The following MED27 variants were observed in gnomAD, a reference collection of about 807,000 sequenced individuals.
MED27 encodes mediator of RNA polymerase II transcription subunit 27.
In MED27, 30 loss-of-function variants were observed where a neutral mutation model predicts 38.2. The observed-to-expected ratio is 0.79, with a 90% CI of 0.59 to 1.07. The LOEUF is 1.07. Among genes scored for constraint, MED27 ranks in the 50% least tolerant of loss-of-function variants. The probability of loss-of-function intolerance (pLI) is 0.00; values close to 1 mark genes in which losing one functional copy is unlikely to be tolerated. For synonymous variants in MED27, 122 were observed against 153.5 expected (o/e 0.79, Z 1.52); for missense variants, 289 against 397.5 (o/e 0.73, Z 2.32).
chr9:132,014,079 G>A (rs748864499), intron 3 of MED27, among the ~76,000 whole-genome samples: 24 of 151,264 alleles, frequency 1.6e-4, no homozygotes, highest in Non-Finnish European at 2.8e-4. Context: ...GGTGGTGTGC[G>A]CTTGTAATCC....
At chr9:132,009,560 G>A (rs763799756) in intron 3 of MED27, among the ~76,000 whole-genome samples, 28 of 152,184 alleles carry the variant, frequency 1.8e-4, no homozygotes, top group Non-Finnish European at 3.7e-4. Context: ...GAGAGGAACC[G>A]AGATCTCCTG....
At chr9:132,013,451 G>A (rs1832525902) in intron 3 of MED27, among the ~76,000 whole-genome samples, 1 of 152,184 alleles carries the variant, frequency 6.6e-6, no homozygotes, top group African/African-American at 2.4e-5. Context: ...CAATGAGGAG[G>A]AACCCTTATG....
At chr9:131,929,251 C>G (rs1475175487) in intron 4 of MED27, among the ~76,000 whole-genome samples, 2 of 152,190 alleles carry the variant, frequency 1.3e-5, no homozygotes, top group Non-Finnish European at 2.9e-5. Context: ...TTGGGTGAGA[C>G]TCTGAGACGT....
intron 5 of MED27, among the ~76,000 whole-genome samples, chr9:131,886,311 TC>T (rs1839139757): frequency 6.6e-6 from 1 of 152,180 alleles, no homozygotes; most frequent in South Asian, 2.1e-4. Flanking sequence ...ACTCTGTACT[TC>T]CGCAGGAGAG....
intron 3 of MED27, among the ~76,000 whole-genome samples, chr9:131,975,577 C>T (rs893508944): frequency 6.6e-6 from 1 of 152,172 alleles, no homozygotes; most frequent in African/African-American, 2.4e-5. Context: ...CTTTTGACCA[C>T]CATTGACCAC....
intron 3 of MED27, among the ~76,000 whole-genome samples, chr9:132,005,877 G>A (rs1832348284): frequency 6.6e-6 from 1 of 152,172 alleles, no homozygotes; most frequent in Non-Finnish European, 1.5e-5. Context: ...TCAGTTATTG[G>A]AAACTGATCT....
At chr9:131,944,093 G>A (rs781047422) in intron 3 of MED27, among the ~76,000 whole-genome samples, 6 of 152,022 alleles carry the variant, frequency 3.9e-5, no homozygotes, top group Non-Finnish European at 7.4e-5. Context: ...CAACATCTCC[G>A]CTGCATCAGA....
intron 4 of MED27, among the ~76,000 whole-genome samples, chr9:131,901,755 T>G (rs1829952692): frequency 6.6e-6 from 1 of 152,180 alleles, no homozygotes; most frequent in Non-Finnish European, 1.5e-5. Context: ...CTAGGGGGTC[T>G]TTCCTCCATA....
At position 131,904,593 on chromosome 9, in the gene MED27, G is replaced by A. The variant is rs1466316657; in HGVS notation, c.574-10601C>T. 8.0e-5 allele frequency among the ~76,000 whole-genome samples: 12 copies of A among 149,086 alleles called. No individual in the cohort carries two copies. In the South Asian group the frequency reaches 1.1e-3, roughly 13 times the overall value. On this transcript the variant is annotated intron_variant, in intron 4 of 7. Coordinates refer to ENST00000292035, the MANE Select transcript of MED27 (RefSeq NM_004269.4). The stretch of plus-strand genomic sequence containing the variant: ...AGGCTGGCCTTGAACTCCCGGCCTC[G>A]AGCAGTCCTCCTGCCTTGACCGCCC...
At chr9:132,024,524 A>G (rs1167236497) in intron 2 of MED27, among the ~76,000 whole-genome samples, 4 of 152,228 alleles carry the variant, frequency 2.6e-5, no homozygotes, top group African/African-American at 4.8e-5. Context: ...CACCTTTTAA[A>G]TCAAATCCTG....
At chr9:132,072,104 C>T (rs1457865427) in intron 2 of MED27, among the ~76,000 whole-genome samples, 1 of 152,150 alleles carries the variant, frequency 6.6e-6, no homozygotes, top group African/African-American at 2.4e-5. Flanking sequence ...ATGAGTAACA[C>T]GCACTCCATG....
intron 3 of MED27, among the ~76,000 whole-genome samples, chr9:131,990,108 TGGCCCACCCCCACCACTGCTTCCCC>T (rs1831939951): frequency 6.6e-6 from 1 of 152,218 alleles, no homozygotes; most frequent in Non-Finnish European, 1.5e-5. Flanking sequence ...GGTGCTTCCC[TGGCCCACCCCCACCACTGCTTCCCC>T]ACAGCTTCTC....
At position 131,913,268 on chromosome 9, in the gene MED27, G is replaced by A. The variant is rs1374119799; in HGVS notation, c.574-19276C>T. Reference sequence around the variant, plus strand: ...TGACCTTTTCATGGATAGTAGCAGAGGTTGATAAAGAAAGACCAGGACTTG... The same window carrying A: ...TGACCTTTTCATGGATAGTAGCAGAAGTTGATAAAGAAAGACCAGGACTTG... On this transcript the variant is annotated intron_variant, in intron 4 of 7. Coordinates refer to ENST00000292035, the MANE Select transcript of MED27 (RefSeq NM_004269.4). This position sits in a 1 kb window ranked among gnomAD's most constrained non-coding sequence, Gnocchi z 4.5. Among the ~76,000 whole-genome samples, 2 of 152,170 alleles carry A rather than the reference G, an allele frequency of 1.3e-5. No homozygotes were observed. Among genetic ancestry groups the A allele is most frequent in the Non-Finnish European group, 2.9e-5 (2 of 68,030 alleles).
At chr9:132,029,559 A>T (rs1364657169) in intron 2 of MED27, among the ~76,000 whole-genome samples, 7 of 152,192 alleles carry the variant, frequency 4.6e-5, no homozygotes, top group Non-Finnish European at 8.8e-5. Flanking sequence ...GCTAAAACGA[A>T]AGGGAGAAAA....
chr9:132,042,643 C>T (rs2131122467), intron 2 of MED27, among the ~76,000 whole-genome samples: 1 of 152,330 alleles, frequency 6.6e-6, no homozygotes, highest in South Asian at 2.1e-4. Context: ...AATCTTAGAT[C>T]TATGAGTGGA....
In MED27 at chr9:131,972,799, A is replaced by G. The variant is rs547286862; in HGVS notation, c.480-33325T>C. On this transcript the variant is annotated intron_variant, in intron 3 of 7. Coordinates refer to ENST00000292035, the MANE Select transcript of MED27 (RefSeq NM_004269.4). ...CCCCATCAGTCCTGTTCAGAAAACCAACAACAGGGAGGCTGACACGGGTGG... is the reference window on the plus strand; with the variant it reads ...CCCCATCAGTCCTGTTCAGAAAACCGACAACAGGGAGGCTGACACGGGTGG... Among the ~76,000 whole-genome samples the G allele has an allele frequency of 2.6e-5, 4 of 152,318 alleles. No homozygotes were observed. In the South Asian group the frequency reaches 6.2e-4, roughly 24 times the overall value.
intron 4 of MED27, among the ~76,000 whole-genome samples, chr9:131,907,637 C>T (rs1407483539): frequency 6.6e-6 from 1 of 151,948 alleles, no homozygotes; most frequent in Non-Finnish European, 1.5e-5. Context: ...GCCCGGCCGC[C>T]ACCCCGTCTG....
At chr9:132,037,798 G>A (rs1589280896) in intron 2 of MED27, among the ~76,000 whole-genome samples, 1 of 152,164 alleles carries the variant, frequency 6.6e-6, no homozygotes, top group East Asian at 1.9e-4. Flanking sequence ...ACTGGGAAAA[G>A]TGCTGTGTTT....
rs1830742138 is a variant in MED27 at position 131,939,343 on chromosome 9, C to T, written c.573+38G>A. On this transcript the variant is annotated intron_variant, in intron 4 of 7. Transcript: ENST00000292035. ...GAGTTAATTGTGAAGTCCATTTTTT[C>T]CCCCAACATCCCTACAAATCAGTCA... 9 of 1,415,148 alleles carry T rather than the reference C, an allele frequency of 6.4e-6. No individual in the cohort carries two copies. In the East Asian group the frequency reaches 9.4e-5, roughly 15 times the overall value. The allele number at this position is 1,415,148 out of a possible 1,614,324, so 87.7% of individuals were successfully genotyped here.
Sources: allele counts gnomAD v4.1 joint callset (sites outside exome capture counted in the v4.1 genomes callset), GRCh38; gene constraint gnomAD v4.1.1; non-coding constraint Gnocchi (gnomAD v3.1); transcripts MANE v1.5; gene names NCBI Gene and HGNC (gene_info 2026-07-23, HGNC 2026-07-21).